The following APC2 variants were observed in gnomAD, a reference collection of about 807,000 sequenced individuals.
APC2 encodes the protein APC regulator of Wnt signaling pathway 2.
In APC2, 41 loss-of-function variants were observed where a neutral mutation model predicts 72.5. That is an observed-to-expected ratio of 0.57 (90% CI 0.44 to 0.73). The LOEUF is 0.73. APC2 is among the 30% of genes least tolerant of loss of function. APC2 has a pLI of 0.00. For synonymous variants in APC2, 1,898 were observed against 1,612.0 expected (o/e 1.18, Z -4.25); for missense variants, 3,729 against 3,403.4 (o/e 1.10, Z -2.38).
intron 8 of APC2, among the ~76,000 whole-genome samples, 186 bp from the exon 9 acceptor site, chr19:1,456,667 A>C (rs149467911): frequency 0.017 from 2,558 of 152,120 alleles, 80 homozygotes; most frequent in African/African-American, 0.054. Flanking sequence ...CACCCTAGGA[A>C]TGCCAGGTGA....
rs1386395077 is a variant in APC2 at position 1,457,170 on chromosome 19, G to A, written c.1134G>A (p.Arg378=). ...TCCTGCACGTGCTGGAGCAGATCCG[G>A]GCCTACTGCGAGACCTGCTGGGACT... ...MRVLHVLEQI[R]AYCETCWDWL... is the part of the protein sequence containing the mutation. Residue 378 remains arginine (R), a synonymous_variant, in exon 9 of 15, where the codon CGG becomes CGA. Transcript: ENST00000590469. 1.3e-6 allele frequency: 2 copies of A among 1,580,604 alleles called. No homozygotes were observed. Among genetic ancestry groups the A allele is most frequent in the East Asian group, 2.3e-5 (1 of 42,860 alleles).
chr19:1,465,455 G>A lies in APC2; in HGVS notation c.2154G>A (p.Leu718=). 6.5e-7 allele frequency: 1 copy of A among 1,534,898 alleles called. No individual in the cohort carries two copies. The highest frequency in any genetic ancestry group is 8.7e-7 in the Non-Finnish European group (1 of 1,146,206). The change falls in exon 15 of 15, where the codon CTG becomes CTA. Residue 718 remains leucine, a synonymous_variant. Coordinates refer to ENST00000590469, the MANE Select transcript of APC2 (RefSeq NM_005883.3). ...AVSPGSCVPS[L]YVRKQRALEA... The stretch of plus-strand genomic sequence containing the variant: ...CCCCAGGCAGCTGCGTGCCCAGCCT[G>A]TACGTGCGCAAGCAGCGGGCGCTGG...
intron 14 of APC2, among the ~76,000 whole-genome samples, 174 bp from the exon 15 acceptor site, chr19:1,464,981 A>T (rs2145228083): frequency 6.6e-6 from 1 of 151,786 alleles, no homozygotes; most frequent in South Asian, 2.1e-4. Flanking sequence ...AAAATAAAAT[A>T]ATTTAGTCTC....
chr19:1,470,041 A>G lies in APC2; in HGVS notation c.6740A>G (p.Glu2247Gly), dbSNP rs1158626635. Reference sequence around the variant, plus strand: ...CCCATCTCCGCACCCTTCGTGCACGAGGGCCTGGGGGTCGCCGTGGGGGGC... The same window carrying G: ...CCCATCTCCGCACCCTTCGTGCACGGGGGCCTGGGGGTCGCCGTGGGGGGC... ...KAPISAPFVHEGLGVAVGGFP... is the reference protein window; with the variant it reads ...KAPISAPFVHGGLGVAVGGFP... Residue 2247 changes from glutamate (E) to glycine (G), a missense_variant, in exon 15 of 15, where the codon GAG (glutamate) becomes GGG (glycine). By Grantham distance (98) the Glu-to-Gly change is moderately conservative (BLOSUM62 -2). Coordinates refer to ENST00000590469, the MANE Select transcript of APC2 (RefSeq NM_005883.3). The G allele has an allele frequency of 1.0e-5, 16 of 1,571,708 alleles. No homozygotes were observed. The highest frequency in any genetic ancestry group is 1.4e-5 in the Non-Finnish European group (16 of 1,164,248).
At chr19:1,448,871 AAG>A (rs2083712284), upstream of APC2, among the ~76,000 whole-genome samples, 1 of 151,934 alleles carries the variant, frequency 6.6e-6, no homozygotes, top group South Asian at 2.1e-4. Flanking sequence ...AAAAAAGAAA[AAG>A]AAAAAAGAAA....
Position 1,455,514 on chromosome 19 carries a change from C to A in APC2, c.639+14C>A. The A allele has an allele frequency of 6.3e-7, 1 of 1,590,586 alleles. No homozygotes were observed. Among genetic ancestry groups the A allele is most frequent in the Non-Finnish European group, 8.6e-7 (1 of 1,167,532 alleles). ...CAGCGGGCACAGGTGCGGCGGTGGG[C>A]GGGGTGGCGCGGCGGTAGGCGGGGC... On this transcript the variant is annotated intron_variant, in intron 6 of 14. Coordinates refer to ENST00000590469, the MANE Select transcript of APC2 (RefSeq NM_005883.3).
intron 14 of APC2, among the ~76,000 whole-genome samples, chr19:1,463,079 C>A (rs2083953215): frequency 6.6e-6 from 1 of 151,842 alleles, no homozygotes; most frequent in Non-Finnish European, 1.5e-5. Flanking sequence ...AGTTCAAGAT[C>A]AGCCTGACCA....
chr19:1,453,014 G>A lies in APC2; in HGVS notation c.13G>A (p.Val5Met), dbSNP rs766771297. The A allele has an allele frequency of 1.9e-5, 31 of 1,611,130 alleles. No individual in the cohort carries two copies. Among genetic ancestry groups the A allele is most frequent in the Middle Eastern group, 4.4e-4 (2 of 4,556 alleles). Residue 5 changes from valine to methionine, a missense_variant, in exon 2 of 15, where the codon GTG (valine) becomes ATG (methionine). Physicochemically the swap from Val to Met is conservative, Grantham distance 21. Transcript: ENST00000590469. Reference sequence around the variant, plus strand: ...GCAGGAGCTGAAGATGGCGAGCTCCGTGGCGCCCTACGAGCAGCTGGTGAG... The same window carrying A: ...GCAGGAGCTGAAGATGGCGAGCTCCATGGCGCCCTACGAGCAGCTGGTGAG... MASSVAPYEQLVRQV... is the reference protein window; with the variant it reads MASSMAPYEQLVRQV...
chr19:1,457,334 C>T, intron 9 of APC2, 91 bp downstream of exon 9: 2 of 1,432,998 alleles, frequency 1.4e-6, no homozygotes, highest in Admixed American at 5.9e-5. Context: ...CCAGCCTTTG[C>T]TGCCTGCCTT....
chr19:1,461,876 A>G (rs113888351), intron 13 of APC2, 87 bp from the exon 14 acceptor site: 50,354 of 1,215,500 alleles, frequency 0.041, 1,559 homozygotes, highest in South Asian at 0.091. Context: ...AAAAACAAAA[A>G]AACCCAACTT....
rs1308838852 is a variant in APC2 at position 1,467,671 on chromosome 19, G to T, written c.4370G>T (p.Gly1457Val). 2.7e-6 allele frequency: 4 copies of T among 1,478,586 alleles called. No individual in the cohort carries two copies. In the African/African-American group the frequency reaches 5.9e-5, roughly 22 times the overall value. 91.6% of individuals were successfully genotyped at this position (1,478,586 alleles called of 1,614,324 possible). The change falls in exon 15 of 15, where the codon GGC (glycine) becomes GTC (valine). Residue 1457 changes from glycine (G) to valine (V), a missense_variant. Physicochemically the swap from Gly to Val is moderately radical, Grantham distance 109. Coordinates refer to ENST00000590469, the MANE Select transcript of APC2 (RefSeq NM_005883.3). ...GAGRSAEQSRGAGKNRAGLEL... is the reference protein window; with the variant it reads ...GAGRSAEQSRVAGKNRAGLEL... ...GGCCGCAGCGCGGAGCAGTCTCGGG[G>T]CGCGGGCAAGAACAGAGCAGGGCTG... is the stretch of plus-strand genomic sequence containing the variant.
In APC2 at chr19:1,465,206, T is replaced by A. The variant is rs747484563; in HGVS notation, c.1905T>A (p.Thr635=). Residue 635 remains threonine (T), a synonymous_variant, in exon 15 of 15, where the codon ACT becomes ACA. Coordinates refer to ENST00000590469, the MANE Select transcript of APC2 (RefSeq NM_005883.3). Reference sequence around the variant, plus strand: ...TGCAGACGCTGCTGCAGCATCTGACTTCGCACAGCCTGACCATCGTGAGCA... The same window carrying A: ...TGCAGACGCTGCTGCAGCATCTGACATCGCACAGCCTGACCATCGTGAGCA... ...NCLQTLLQHL[T]SHSLTIVSNA... The A allele has an allele frequency of 3.1e-6, 5 of 1,609,796 alleles. No homozygotes were observed. In the South Asian group the frequency reaches 4.4e-5, roughly 14 times the overall value.
chr19:1,467,804 C>T lies in APC2; in HGVS notation c.4503C>T (p.Pro1501=), dbSNP rs61749994. 63,299 of 1,470,238 alleles carry T rather than the reference C, an allele frequency of 0.043. 1,595 individuals carry two copies. Among genetic ancestry groups the T allele is most frequent in the Middle Eastern group, 0.078 (403 of 5,152 alleles). 91.1% of individuals were successfully genotyped at this position (1,470,238 alleles called of 1,614,324 possible). Residue 1501 remains proline (P), a synonymous_variant, in exon 15 of 15, where the codon CCC becomes CCT. Coordinates refer to ENST00000590469, the MANE Select transcript of APC2 (RefSeq NM_005883.3). ...GALQSLCLTT[P]TEEAVYCFYG... ...TCCAGTCGCTGTGCCTCACGACGCCCACTGAGGAGGCCGTGTACTGCTTCT... is the reference window on the plus strand; with the variant it reads ...TCCAGTCGCTGTGCCTCACGACGCCTACTGAGGAGGCCGTGTACTGCTTCT...
Position 1,469,662 on chromosome 19 carries a change from T to C in APC2, c.6361T>C (p.Ser2121Pro). 7.9e-7 allele frequency: 1 copy of C among 1,262,046 alleles called. No homozygotes were observed. The highest frequency in any genetic ancestry group is 9.9e-7 in the Non-Finnish European group (1 of 1,008,792). 78.2% of individuals were successfully genotyped at this position (1,262,046 alleles called of 1,614,324 possible). The stretch of plus-strand genomic sequence containing the variant: ...CGGCGCCGTCCCCGCGGCCCCTGCC[T>C]CAGCCGACGCCGCGCGCCGCAGCAG... ...PDGAVPAAPA[S>P]ADAARRSSDG... The change falls in exon 15 of 15, where the codon TCA (serine) becomes CCA (proline). Residue 2121 changes from serine (S) to proline (P), a missense_variant. Ser to Pro is a moderately conservative substitution (Grantham distance 74). Transcript: ENST00000590469.
chr19:1,446,536 T>C (rs1379503222), upstream of APC2, among the ~76,000 whole-genome samples: 2 of 151,534 alleles, frequency 1.3e-5, no homozygotes, highest in Non-Finnish European at 2.9e-5. The surrounding 1 kb of genome is among the most constrained non-coding windows in gnomAD (Gnocchi z 6.1). Context: ...CTGGCGGGGA[T>C]GGAAGCCCCT....
intron 9 of APC2, 40 bp from the exon 10 acceptor site, chr19:1,457,925 C>T (rs1238478019): frequency 9.3e-6 from 14 of 1,503,626 alleles, no homozygotes; most frequent in African/African-American, 1.6e-5. Context: ...TGGGACATTT[C>T]CTGGGAATGG....
rs149076367 is a variant in APC2, at chr19:1,462,193, C to A, written c.1853+16C>A. 1.7e-3 allele frequency: 2,543 copies of A among 1,528,722 alleles called. 74 individuals are homozygous for A. The East Asian group carries it at 0.053, about 32-fold the overall frequency. 94.7% of individuals were successfully genotyped at this position (1,528,722 alleles called of 1,614,324 possible). A position where few individuals can be genotyped will look rare whatever the true frequency, so the allele number is the denominator to read the frequency against. On this transcript the variant is annotated intron_variant, in intron 14 of 14. Coordinates refer to ENST00000590469, the MANE Select transcript of APC2 (RefSeq NM_005883.3). ...AGGACTACAGGTCGGCCCCCACCCC[C>A]CCACCCGCACACAGGCAGCTGCGCT...
In APC2 at chr19:1,469,570, CCG is replaced by C; in HGVS notation, c.6271_6272del (p.Ala2091ProfsTer61). 1 of 1,245,136 alleles carries C rather than the reference CCG, an allele frequency of 8.0e-7. No individual in the cohort carries two copies. Among genetic ancestry groups the C allele is most frequent in the Non-Finnish European group, 1.0e-6 (1 of 980,322 alleles). 77.1% of individuals were successfully genotyped at this position (1,245,136 alleles called of 1,614,324 possible). A position where few individuals can be genotyped will look rare whatever the true frequency, so the allele number is the denominator to read the frequency against. On this transcript the variant is annotated frameshift_variant, in exon 15 of 15. Transcript: ENST00000590469. LOFTEE classifies it low-confidence loss of function (END_TRUNC). ...TCCCGCCTGCCTGTGCGCGCGCCCGCCGCCCGGCCGGAGACTGTCAAGCGCTA... is the reference window on the plus strand; with the variant it reads ...TCCCGCCTGCCTGTGCGCGCGCCCGCCCCGGCCGGAGACTGTCAAGCGCTA...
chr19:1,468,381 A>T lies in APC2; in HGVS notation c.5080A>T (p.Asn1694Tyr), dbSNP rs777380872. Residue 1694 changes from asparagine (N) to tyrosine (Y), a missense_variant, in exon 15 of 15, where the codon AAT becomes TAT. Coordinates refer to ENST00000590469, the MANE Select transcript of APC2 (RefSeq NM_005883.3). ...VEWRAIQEGA[N>Y]SIVTWLHQAA... ...GTGGCGCGCCATCCAGGAGGGCGCC[A>T]ATTCAATTGTCACGTGGCTGCACCA... is the stretch of plus-strand genomic sequence containing the variant. 6.3e-7 allele frequency: 1 copy of T among 1,579,692 alleles called. No individual in the cohort carries two copies. The highest frequency in any genetic ancestry group is 1.1e-5 in the South Asian group (1 of 87,308).
Sources: gnomAD v4.1 joint callset for allele counts (sites outside exome capture counted in the v4.1 genomes callset) on GRCh38, gnomAD v4.1.1 for gene constraint, Gnocchi (gnomAD v3.1) non-coding constraint, MANE v1.5 for transcripts, NCBI Gene and HGNC (gene_info 2026-07-23, HGNC 2026-07-21) for gene names.